Variants in LUZP2 observed in about 807,000 individuals in gnomAD.
LUZP2 encodes the protein leucine zipper protein 2.
Under a neutral mutation model 51.6 loss-of-function variants are expected in LUZP2, and 52 were observed. The observed-to-expected ratio is 1.01, with a 90% CI of 0.81 to 1.27. LUZP2 has a LOEUF of 1.27. Among genes scored for constraint, LUZP2 ranks in the 50% most tolerant of loss-of-function variants. The pLI, the probability that LUZP2 is intolerant of heterozygous loss-of-function variation, is 0.00. For synonymous variants in LUZP2, 154 were observed against 137.3 expected, an observed-to-expected ratio of 1.12 and a Z score of -0.85; for missense variants, 436 against 395.4, an observed-to-expected ratio of 1.10 and a Z score of -0.87.
At position 24,893,125 on chromosome 11, in the gene LUZP2, A is replaced by G. The variant is rs1368596094; in HGVS notation, c.397-12866A>G. 6 of 152,340 alleles carry G rather than the reference A, an allele frequency of 3.9e-5. No individual in the cohort carries two copies. The East Asian group carries it at 1.2e-3, about 29-fold the overall frequency. The allele number at this position is 152,340 out of a possible 1,614,324, so 9.4% of individuals were successfully genotyped here. A position where few individuals can be genotyped will look rare whatever the true frequency, so the allele number is the denominator to read the frequency against. On this transcript the variant is annotated intron_variant, in intron 5 of 11. Transcript: ENST00000336930. ...ATGAAGCAATAGTCACAATAATGTC[A>G]CAGAGACAATGGATTGCCAGCTTAA...
chr11:24,695,184 T>G, intron 1 of LUZP2, among the ~76,000 whole-genome samples: 1 of 152,138 alleles, frequency 6.6e-6, no homozygotes, highest in East Asian at 1.9e-4. Context: ...TACAAGCCAT[T>G]GTTATATCAA....
intron 6 of LUZP2, among the ~76,000 whole-genome samples, chr11:24,911,605 G>C (rs1220742983): frequency 6.6e-6 from 1 of 152,034 alleles, no homozygotes; most frequent in Non-Finnish European, 1.5e-5. Flanking sequence ...TAAGTGTCCT[G>C]AGGCCTCCCC....
chr11:24,555,019 C>T (rs1023991826), intron 1 of LUZP2, among the ~76,000 whole-genome samples: 5 of 152,050 alleles, frequency 3.3e-5, no homozygotes, highest in Admixed American at 6.6e-5. Flanking sequence ...AAATAAAGCT[C>T]CTACTTGCCT....
intron 7 of LUZP2, among the ~76,000 whole-genome samples, chr11:24,922,458 T>G (rs2133817972): frequency 6.6e-6 from 1 of 152,338 alleles, no homozygotes; most frequent in African/African-American, 2.4e-5. Context: ...TTGAGTAATT[T>G]AATTTTTGTG....
In LUZP2 at chr11:24,823,724, T is replaced by C. The variant is rs188934635; in HGVS notation, c.396+60416T>C. 2.3e-3 allele frequency among the ~76,000 whole-genome samples: 350 copies of C among 152,192 alleles called. 1 individual carries two copies. The highest frequency in any genetic ancestry group is 4.1e-3 in the South Asian group (20 of 4,820). The stretch of plus-strand genomic sequence containing the variant: ...AGTTATAATGCAGATATTGAAGGGA[T>C]ATATAAAATAAATTAATGATTTTCA... On this transcript the variant is annotated intron_variant, in intron 5 of 11. Transcript: ENST00000336930.
At chr11:24,749,409 C>T (rs1020184021) in intron 4 of LUZP2, among the ~76,000 whole-genome samples, 10 of 152,104 alleles carry the variant, frequency 6.6e-5, no homozygotes, top group Non-Finnish European at 1.5e-4. Context: ...ACAACTTGAT[C>T]GGATTGAAGG....
At chr11:24,593,263 T>C (rs1853320266) in intron 1 of LUZP2, among the ~76,000 whole-genome samples, 1 of 152,220 alleles carries the variant, frequency 6.6e-6, no homozygotes, top group African/African-American at 2.4e-5. Context: ...ACATTATAAA[T>C]GTAAATTTTG....
chr11:24,917,688 G>A (rs543573264), intron 7 of LUZP2, among the ~76,000 whole-genome samples: 1,887 of 151,482 alleles, frequency 0.012, 16 homozygotes, highest in Middle Eastern at 0.048. Flanking sequence ...TGTTCCATTG[G>A]TCTATATCTC....
At chr11:24,811,335 A>G (rs1204233840) in intron 5 of LUZP2, among the ~76,000 whole-genome samples, 1 of 152,110 alleles carries the variant, frequency 6.6e-6, no homozygotes, top group East Asian at 1.9e-4. Context: ...TTCAACATGA[A>G]TACACTAATC....
At chr11:25,024,767 A>C (rs1402455404) in intron 9 of LUZP2, among the ~76,000 whole-genome samples, 2 of 150,416 alleles carry the variant, frequency 1.3e-5, no homozygotes, top group Non-Finnish European at 3.0e-5. Flanking sequence ...GCTACCAATG[A>C]CTTTCTTCAC....
At chr11:24,557,182 G>A (rs1475762936) in intron 1 of LUZP2, among the ~76,000 whole-genome samples, 1 of 148,360 alleles carries the variant, frequency 6.7e-6, no homozygotes, top group Non-Finnish European at 1.5e-5. Flanking sequence ...CACACTGCAG[G>A]TGCTGTGACA....
intron 7 of LUZP2, among the ~76,000 whole-genome samples, chr11:24,916,431 C>T (rs1009457848): frequency 1.3e-5 from 2 of 151,834 alleles, no homozygotes; most frequent in African/African-American, 2.4e-5. Context: ...GTGTGCTGCA[C>T]CCATTAACTC....
chr11:24,987,372 G>A (rs565127957), intron 9 of LUZP2, among the ~76,000 whole-genome samples: 7 of 151,822 alleles, frequency 4.6e-5, no homozygotes, highest in African/African-American at 1.7e-4. Flanking sequence ...TAGTGTCAGG[G>A]ATCATAATAG....
At chr11:24,549,587 AAGT>A (rs1197033338) in intron 1 of LUZP2, among the ~76,000 whole-genome samples, 1 of 152,070 alleles carries the variant, frequency 6.6e-6, no homozygotes, top group Admixed American at 6.6e-5. Context: ...AAGCGGAAGC[AAGT>A]AGGTGTATTT....
At chr11:24,975,562 G>A (rs776274542) in intron 7 of LUZP2, among the ~76,000 whole-genome samples, 1 of 151,996 alleles carries the variant, frequency 6.6e-6, no homozygotes, top group Non-Finnish European at 1.5e-5. Flanking sequence ...GAACAATAAT[G>A]GAATAAAGCA....
intron 10 of LUZP2, among the ~76,000 whole-genome samples, chr11:25,051,684 A>C (rs1238238564): frequency 6.6e-6 from 1 of 152,166 alleles, no homozygotes; most frequent in Non-Finnish European, 1.5e-5. Context: ...AATTTGAACA[A>C]GGGAGCTAGT....
At chr11:25,006,656 G>C (rs12420060) in intron 9 of LUZP2, among the ~76,000 whole-genome samples, 88 of 152,040 alleles carry the variant, frequency 5.8e-4, no homozygotes, top group African/African-American at 2.0e-3. Flanking sequence ...AATAGCAAGC[G>C]AAAGGAGTCC....
chr11:24,796,039 C>T (rs757113232), intron 5 of LUZP2, among the ~76,000 whole-genome samples: 29 of 152,016 alleles, frequency 1.9e-4, no homozygotes, highest in Non-Finnish European at 3.2e-4. Flanking sequence ...TGAGTGTTCT[C>T]AAATGTAGCA....
At position 25,017,849 on chromosome 11, in the gene LUZP2, C is replaced by A. The variant is rs1419646566; in HGVS notation, c.766-32189C>A. Among the ~76,000 whole-genome samples, 6 of 152,040 alleles carry A rather than the reference C, an allele frequency of 3.9e-5. No homozygotes were observed. The East Asian group carries it at 1.2e-3, about 29-fold the overall frequency. On this transcript the variant is annotated intron_variant, in intron 9 of 11. Coordinates refer to ENST00000336930, the MANE Select transcript of LUZP2 (RefSeq NM_001009909.4). The stretch of plus-strand genomic sequence containing the variant: ...TGGTAGATTGATAGGAATTGCACTG[C>A]ATCTGTAAATTGTTTTGTAAAGCAT...
Sources: allele counts gnomAD v4.1 joint callset (sites outside exome capture counted in the v4.1 genomes callset), GRCh38; gene constraint gnomAD v4.1.1; transcripts MANE v1.5; gene names NCBI Gene and HGNC (gene_info 2026-07-23, HGNC 2026-07-21).